GRID1: variants seen among roughly 807,000 people sequenced by gnomAD.
GRID1 encodes glutamate receptor ionotropic, delta-1.
In GRID1, 28 loss-of-function variants were observed where a neutral mutation model predicts 98.0. That is an observed-to-expected ratio of 0.29 (90% CI 0.21 to 0.39). GRID1 has a LOEUF of 0.39. Ranked by LOEUF, GRID1 falls within the 10% of genes least tolerant of loss-of-function variation. The pLI is 1.00. For missense variants in GRID1, 1,111 were observed against 1,340.5 expected (o/e 0.83, Z 2.67); for synonymous variants, 553 against 538.5 (o/e 1.03, Z -0.37).
chr10:86,045,668 A>G (rs1033246544), intron 4 of GRID1, among the ~76,000 whole-genome samples: 4 of 152,146 alleles, frequency 2.6e-5, no homozygotes, highest in Admixed American at 2.6e-4. Context: ...GGTGGAAGGA[A>G]GGCGAGGCAC....
chr10:85,840,081 A>G (rs1842948644), intron 8 of GRID1, among the ~76,000 whole-genome samples: 1 of 152,178 alleles, frequency 6.6e-6, no homozygotes. Context: ...GAACAGACTA[A>G]TAATGAGCTC....
At chr10:86,256,703 T>C (rs1195931720) in intron 2 of GRID1, among the ~76,000 whole-genome samples, 1 of 151,820 alleles carries the variant, frequency 6.6e-6, no homozygotes, top group African/African-American at 2.4e-5. Context: ...GAGAAGCACA[T>C]GAGATCACAG....
At chr10:85,708,655 G>A (rs1008897792) in intron 12 of GRID1, 1 of 152,228 alleles carries the variant, frequency 6.6e-6, no homozygotes, top group African/African-American at 2.4e-5. Flanking sequence ...GCTTACATAA[G>A]TGCATAAAGC....
At chr10:86,040,510 T>TAAA (rs3057696) in intron 4 of GRID1, among the ~76,000 whole-genome samples, 12,606 of 103,002 alleles carry the variant, frequency 0.12, 845 homozygotes, top group Middle Eastern at 0.15. Context: ...ACTCATATCT[T>TAAA]AAAAAAAAAA....
At chr10:85,921,718 T>C (rs918400419) in intron 4 of GRID1, among the ~76,000 whole-genome samples, 1 of 152,156 alleles carries the variant, frequency 6.6e-6, no homozygotes, top group African/African-American at 2.4e-5. Flanking sequence ...TTGGTTCTAA[T>C]ATCCAAGAGC....
chr10:85,856,804 C>T (rs1001984707), intron 6 of GRID1, among the ~76,000 whole-genome samples: 2 of 152,166 alleles, frequency 1.3e-5, no homozygotes, highest in Admixed American at 6.5e-5. Flanking sequence ...GCTCTATTGG[C>T]CACCGCTGGC....
chr10:86,177,994 C>T (rs1209329957), intron 3 of GRID1, among the ~76,000 whole-genome samples: 1 of 152,018 alleles, frequency 6.6e-6, no homozygotes, highest in African/African-American at 2.4e-5. Context: ...GGGGACAAAG[C>T]CGAGACACAG....
At chr10:85,611,442 G>A (rs1274480487) in intron 15 of GRID1, among the ~76,000 whole-genome samples, 1 of 152,176 alleles carries the variant, frequency 6.6e-6, no homozygotes, top group African/African-American at 2.4e-5. Context: ...TGCCCAGGAA[G>A]ACAAATTCCT....
chr10:85,869,193 C>A lies in GRID1; in HGVS notation c.781-13G>T. ...GGTCACTGATTTCCTAGAAAAATAA[C>A]CAGGCCCATGCTTACCATCCACTCA... On this transcript the variant is annotated splice_polypyrimidine_tract_variant and intron_variant, in intron 5 of 15. Transcript: ENST00000327946. 2 of 1,610,670 alleles carry A rather than the reference C, an allele frequency of 1.2e-6. No homozygotes were observed. Among genetic ancestry groups the A allele is most frequent in the Non-Finnish European group, 1.7e-6 (2 of 1,176,886 alleles).
At chr10:86,329,293 C>A (rs1848103725) in intron 2 of GRID1, among the ~76,000 whole-genome samples, 1 of 152,250 alleles carries the variant, frequency 6.6e-6, no homozygotes, top group Non-Finnish European at 1.5e-5. Context: ...CTCTCCCCAG[C>A]TGTCATACCA....
intron 4 of GRID1, among the ~76,000 whole-genome samples, chr10:85,980,806 T>G (rs1423470247): frequency 2.0e-5 from 3 of 152,230 alleles, no homozygotes; most frequent in Non-Finnish European, 2.9e-5. Flanking sequence ...CTGCATCTGC[T>G]TCTTAATAGA....
chr10:85,760,923 C>T (rs867418548), intron 8 of GRID1, among the ~76,000 whole-genome samples: 6 of 152,146 alleles, frequency 3.9e-5, no homozygotes, highest in South Asian at 2.1e-4. Flanking sequence ...GAAGGCATTT[C>T]GTCAAAGTGG....
chr10:85,810,093 T>C (rs554429491), intron 8 of GRID1, among the ~76,000 whole-genome samples: 3 of 151,092 alleles, frequency 2.0e-5, no homozygotes, highest in East Asian at 3.9e-4. Flanking sequence ...AGTAGCAACT[T>C]TGGGCCTCCA....
intron 4 of GRID1, among the ~76,000 whole-genome samples, chr10:86,056,526 A>G (rs1158806877): frequency 3.9e-5 from 6 of 151,930 alleles, no homozygotes; most frequent in African/African-American, 1.5e-4. Context: ...ATGAATTCCT[A>G]CTCCCACCTG....
rs185938839 is a variant in GRID1, at chr10:86,125,229, T to C, written c.726+13590A>G. Among the ~76,000 whole-genome samples, 32 of 152,298 alleles carry C rather than the reference T, an allele frequency of 2.1e-4. No homozygotes were observed. In the East Asian group the frequency reaches 5.6e-3, roughly 27 times the overall value. ...AAGGCTTTGCCACTCAGGCCCTAAATAGGAAGCTACTTCTCATGCTAACGG... is the reference window on the plus strand; with the variant it reads ...AAGGCTTTGCCACTCAGGCCCTAAACAGGAAGCTACTTCTCATGCTAACGG... On this transcript the variant is annotated intron_variant, in intron 4 of 15. Transcript: ENST00000327946.
In GRID1 at chr10:86,112,037, G is replaced by A. The variant is rs77153757; in HGVS notation, c.726+26782C>T. On this transcript the variant is annotated intron_variant, in intron 4 of 15. Coordinates refer to ENST00000327946, the MANE Select transcript of GRID1 (RefSeq NM_017551.3). ...CACACTGGTGAGTGGCTGAGGCAAGGCTGCAGGTAGGCACTTTCAGGTGTA... is the reference window on the plus strand; with the variant it reads ...CACACTGGTGAGTGGCTGAGGCAAGACTGCAGGTAGGCACTTTCAGGTGTA... Among the ~76,000 whole-genome samples, 940 of 152,328 alleles carry A rather than the reference G, an allele frequency of 6.2e-3. 3 individuals carry two copies. The highest frequency in any genetic ancestry group is 0.01 in the Non-Finnish European group (707 of 68,030).
In GRID1 at chr10:86,206,257, G is replaced by T; in HGVS notation, c.520+107C>A. On this transcript the variant is annotated intron_variant, in intron 3 of 15. Coordinates refer to ENST00000327946, the MANE Select transcript of GRID1 (RefSeq NM_017551.3). This position sits in a 1 kb window ranked among gnomAD's most constrained non-coding sequence, Gnocchi z 4.1. ...ACCCTATCACCTGGAGGCCCACTCA[G>T]CACAGACCACCCCTGACCGGTCCAG... 3 of 1,082,088 alleles carry T rather than the reference G, an allele frequency of 2.8e-6. No individual in the cohort carries two copies. The highest frequency in any genetic ancestry group is 3.9e-6 in the Non-Finnish European group (3 of 762,072). The allele number at this position is 1,082,088 out of a possible 1,614,324, so 67.0% of individuals were successfully genotyped here. A position where few individuals can be genotyped will look rare whatever the true frequency, so the allele number is the denominator to read the frequency against.
intron 4 of GRID1, among the ~76,000 whole-genome samples, chr10:86,024,399 G>A (rs186054835): frequency 1.8e-4 from 28 of 152,250 alleles, no homozygotes; most frequent in Admixed American, 3.3e-4. Flanking sequence ...CCTCTCTGTC[G>A]CTCTCATCTG....
intron 12 of GRID1, among the ~76,000 whole-genome samples, chr10:85,692,994 C>G (rs1470882447): frequency 2.0e-5 from 3 of 152,136 alleles, no homozygotes; most frequent in African/African-American, 7.2e-5. Context: ...ACTAGAACTA[C>G]TAGAGATGAA....
Sources: allele counts gnomAD v4.1 joint callset (sites outside exome capture counted in the v4.1 genomes callset), GRCh38; gene constraint gnomAD v4.1.1; non-coding constraint Gnocchi (gnomAD v3.1); transcripts MANE v1.5; gene names NCBI Gene and HGNC (gene_info 2026-07-23, HGNC 2026-07-21).